ERCC6L: variants seen among roughly 807,000 people sequenced by gnomAD.
ERCC6L encodes the protein ERCC excision repair 6 like, spindle assembly checkpoint helicase, also known as DNA excision repair protein ERCC-6-like.
Under a neutral mutation model 20.1 loss-of-function variants are expected in ERCC6L, and 7 were observed. That is an observed-to-expected ratio of 0.35 (90% confidence interval 0.20 to 0.65). ERCC6L has a LOEUF of 0.65. Ranked by LOEUF, ERCC6L falls within the 30% of genes least tolerant of loss-of-function variation. The pLI is 0.69. For synonymous variants in ERCC6L, 278 were observed against 331.3 expected (o/e 0.84, Z 1.75); for missense variants, 592 against 892.4 (o/e 0.66, Z 4.29).
chrX:72,225,428 A>G, intron 1 of ERCC6L, among the ~76,000 whole-genome samples: 1 of 111,835 alleles, frequency 8.9e-6, no homozygotes, highest in Middle Eastern at 4.6e-3. Context: ...CCAGGCTTTT[A>G]CATTTTTTGT....
rs189810726 is a variant in ERCC6L, at chrX:72,207,577, G to A, written c.1190C>T (p.Thr397Met). ...ACCTAGCTCAGCCAAAGGTGAGCGC[G>A]TCTCCATTAGCAACTCCTTGATATG... ...LDHIKELLME[T>M]RSPLAELGVL... The change falls in exon 2 of 2, where the codon ACG becomes ATG. Residue 397 changes from threonine to methionine, a missense_variant. Coordinates refer to ENST00000334463, the MANE Select transcript of ERCC6L (RefSeq NM_017669.4). 63 of 1,209,505 alleles carry A rather than the reference G, an allele frequency of 5.2e-5. No homozygotes were observed. Among genetic ancestry groups the A allele is most frequent in the Admixed American group, 6.6e-5 (3 of 45,654 alleles).
intron 1 of ERCC6L, among the ~76,000 whole-genome samples, chrX:72,235,453 C>T (rs2984352): frequency 0.41 from 41,267 of 99,616 alleles, 8,646 homozygotes; most frequent in East Asian, 0.98. Context: ...TGGAGTGCAA[C>T]GGTGCGATCT....
chrX:72,224,757 A>G (rs112918209), intron 1 of ERCC6L, among the ~76,000 whole-genome samples: 2,874 of 111,107 alleles, frequency 0.026, 57 homozygotes, highest in Non-Finnish European at 0.038. Context: ...AAACAAACAA[A>G]CAAACAAAAA....
intron 1 of ERCC6L, among the ~76,000 whole-genome samples, chrX:72,225,835 T>C (rs1302784703): frequency 9.0e-6 from 1 of 111,338 alleles, no homozygotes; most frequent in Non-Finnish European, 1.9e-5. Context: ...AATCAGGCCC[T>C]TGGACTATTA....
chrX:72,237,093 T>G (rs1202523003), intron 1 of ERCC6L, among the ~76,000 whole-genome samples: 2 of 112,418 alleles, frequency 1.8e-5, no homozygotes, highest in Non-Finnish European at 3.8e-5. Flanking sequence ...ACACATTCCC[T>G]AAGACCCAGC....
intron 1 of ERCC6L, among the ~76,000 whole-genome samples, chrX:72,225,806 A>G (rs2042950444): frequency 4.5e-5 from 5 of 111,144 alleles, no homozygotes; most frequent in South Asian, 3.9e-4. Flanking sequence ...CCTTTCGTCT[A>G]TATTTACACA....
intron 1 of ERCC6L, among the ~76,000 whole-genome samples, chrX:72,230,969 T>C (rs774889454): frequency 2.7e-5 from 3 of 111,560 alleles, no homozygotes; most frequent in South Asian, 7.4e-4. Flanking sequence ...TGTCTCTAAA[T>C]AAATAAATAC....
chrX:72,210,247 G>A (rs773603865), intron 1 of ERCC6L, among the ~76,000 whole-genome samples: 418 of 98,565 alleles, frequency 4.2e-3, no homozygotes, highest in Non-Finnish European at 6.9e-3. Flanking sequence ...ATAAATAAAT[G>A]GAAAAAAGAT....
chrX:72,232,052 C>T (rs754560761), intron 1 of ERCC6L, among the ~76,000 whole-genome samples: 2 of 109,205 alleles, frequency 1.8e-5, no homozygotes, highest in South Asian at 7.9e-4. Context: ...GCACTCCAGC[C>T]TAGATGACAG....
At chrX:72,232,036 G>A (rs952742600) in intron 1 of ERCC6L, among the ~76,000 whole-genome samples, 4 of 108,421 alleles carry the variant, frequency 3.7e-5, no homozygotes, top group African/African-American at 1.3e-4. Context: ...CTATGATGGC[G>A]CCACTGCACT....
chrX:72,225,763 C>T (rs932409657), intron 1 of ERCC6L, among the ~76,000 whole-genome samples: 4 of 111,257 alleles, frequency 3.6e-5, no homozygotes, highest in African/African-American at 1.3e-4. Flanking sequence ...TTATTACAGG[C>T]CCCTGCTCTA....
At chrX:72,219,278 G>T (rs965711741) in intron 1 of ERCC6L, among the ~76,000 whole-genome samples, 1 of 109,240 alleles carries the variant, frequency 9.2e-6, no homozygotes, top group African/African-American at 3.4e-5. Context: ...ATAAGGCCAG[G>T]TGCGGTGGCT....
At chrX:72,226,045 C>T (rs1030526620) in intron 1 of ERCC6L, among the ~76,000 whole-genome samples, 3 of 111,599 alleles carry the variant, frequency 2.7e-5, no homozygotes, top group Non-Finnish European at 3.8e-5. Flanking sequence ...AGCCATAAGG[C>T]GCTAAGCTCC....
rs748099047 is a variant in ERCC6L, at chrX:72,218,104, A to T, written c.69-9406T>A. On this transcript the variant is annotated intron_variant, in intron 1 of 1. Transcript: ENST00000334463. Reference sequence around the variant, plus strand: ...ACTAACACGGTGAAACCCTGTCTCTACTAAAAATACAAAAAATTAGCTGGG... The same window carrying T: ...ACTAACACGGTGAAACCCTGTCTCTTCTAAAAATACAAAAAATTAGCTGGG... 2.7e-4 allele frequency among the ~76,000 whole-genome samples: 30 copies of T among 109,939 alleles called. No individual in the cohort carries two copies. In the East Asian group the frequency reaches 4.9e-3, roughly 18 times the overall value.
At chrX:72,224,235 A>T (rs971922671) in intron 1 of ERCC6L, among the ~76,000 whole-genome samples, 1 of 111,631 alleles carries the variant, frequency 9.0e-6, no homozygotes, top group African/African-American at 3.3e-5. Context: ...TGAAGGACAT[A>T]CAAGAACTTC....
intron 1 of ERCC6L, among the ~76,000 whole-genome samples, chrX:72,213,228 ACTACACCTAC>A (rs1207374412): frequency 9.0e-6 from 1 of 111,512 alleles, no homozygotes; most frequent in Non-Finnish European, 1.9e-5. Flanking sequence ...GGGGAAGGTG[ACTACACCTAC>A]CTTTAAATAC....
At chrX:72,222,661 G>A (rs1356604703) in intron 1 of ERCC6L, among the ~76,000 whole-genome samples, 2 of 102,831 alleles carry the variant, frequency 1.9e-5, no homozygotes, top group Non-Finnish European at 3.9e-5. Context: ...GCAGTAGCGC[G>A]ATCTCAGCTC....
rs1486586718 is a variant in ERCC6L, at chrX:72,206,023, A to G, written c.2744T>C (p.Ile915Thr). The G allele has an allele frequency of 5.0e-6, 6 of 1,212,065 alleles. No individual in the cohort carries two copies. Among genetic ancestry groups the G allele is most frequent in the East Asian group, 3.0e-5 (1 of 33,856 alleles). Residue 915 changes from isoleucine to threonine, a missense_variant, in exon 2 of 2, where the codon ATT (isoleucine) becomes ACT (threonine). Coordinates refer to ENST00000334463, the MANE Select transcript of ERCC6L (RefSeq NM_017669.4). Reference protein sequence around the residue: ...SQNAESNVSIIEIADDLSASH... With the variant: ...SQNAESNVSITEIADDLSASH... ...TGCTGAAAGGTCATCAGCTATTTCAATAATGGATACATTTGATTCTGCATT... is the reference window on the plus strand; with the variant it reads ...TGCTGAAAGGTCATCAGCTATTTCAGTAATGGATACATTTGATTCTGCATT...
At chrX:72,212,807 T>C (rs1445104578) in intron 1 of ERCC6L, among the ~76,000 whole-genome samples, 1 of 110,929 alleles carries the variant, frequency 9.0e-6, no homozygotes, top group African/African-American at 3.3e-5. Flanking sequence ...TAGCCGGGTT[T>C]GGTGGCATGC....
Sources: allele counts gnomAD v4.1 joint callset (sites outside exome capture counted in the v4.1 genomes callset), GRCh38; gene constraint gnomAD v4.1.1; transcripts MANE v1.5; gene names NCBI Gene and HGNC (gene_info 2026-07-23, HGNC 2026-07-21).